LARGE1: variants seen among roughly 807,000 people sequenced by gnomAD.
LARGE1 encodes LARGE xylosyl- and glucuronyltransferase 1, also known as xylosyl- and glucuronyltransferase LARGE1.
A neutral mutation model predicts 87.6 loss-of-function variants in LARGE1; 43 were observed. The ratio of observed to expected loss-of-function variants is 0.49; its 90% confidence interval spans 0.38 to 0.63. The LOEUF (loss-of-function observed/expected upper bound fraction) is 0.63, where lower values mean the gene tolerates loss of function less well. Among genes scored for constraint, LARGE1 ranks in the 30% least tolerant of loss-of-function variants. The pLI, the probability that LARGE1 is intolerant of heterozygous loss-of-function variation, is 0.00. For synonymous variants in LARGE1, 434 were observed against 394.6 expected, an observed-to-expected ratio of 1.10 and a Z score of -1.18; for missense variants, 802 against 1,000.2, an observed-to-expected ratio of 0.80 and a Z score of 2.67.
intron 6 of LARGE1, among the ~76,000 whole-genome samples, chr22:33,436,431 T>C (rs1474537760): frequency 6.6e-6 from 1 of 152,206 alleles, no homozygotes; most frequent in Non-Finnish European, 1.5e-5. Context: ...CTGAGGACTA[T>C]CTGTTTCAGA....
chr22:33,165,550 T>A (rs1028686519), exon 12 of LARGE1: 2 of 152,216 alleles, frequency 1.3e-5, no homozygotes, highest in Admixed American at 1.3e-4. Flanking sequence ...GGACCTTTAC[T>A]AATATGCAGG....
chr22:33,091,084 G>A, the LARGE1 span, among the ~76,000 whole-genome samples: 4 of 152,134 alleles, frequency 2.6e-5, no homozygotes, highest in African/African-American at 7.2e-5. Context: ...ATTCGAAGAC[G>A]ATTGCCATAT....
At chr22:33,625,723 T>C (rs921674299) in intron 4 of LARGE1, among the ~76,000 whole-genome samples, 10 of 152,214 alleles carry the variant, frequency 6.6e-5, no homozygotes, top group African/African-American at 2.2e-4. Context: ...GGTCTGTGTT[T>C]GGCACATGTC....
chr22:33,460,193 G>A lies in LARGE1; in HGVS notation c.788-27928C>T, dbSNP rs546172749. The stretch of plus-strand genomic sequence containing the variant: ...CTATAAAGCCTTCCTCGGTTGTGTC[G>A]GCCAAATTTAGCTCTCTTGCTGAGC... On this transcript the variant is annotated intron_variant, in intron 6 of 14. Transcript: ENST00000397394. Among the ~76,000 whole-genome samples the A allele has an allele frequency of 5.3e-5, 8 of 152,242 alleles. 1 individual carries two copies. In the South Asian group the frequency reaches 1.5e-3, roughly 28 times the overall value.
intron 6 of LARGE1, among the ~76,000 whole-genome samples, chr22:33,540,771 G>C (rs2053612720): frequency 1.3e-5 from 2 of 152,026 alleles, no homozygotes; most frequent in Non-Finnish European, 2.9e-5. Flanking sequence ...GTGCTCCCCA[G>C]ATGATTATAA....
intron 6 of LARGE1, among the ~76,000 whole-genome samples, chr22:33,473,638 TTTCACCACG>T (rs1314705547): frequency 1.3e-5 from 2 of 152,054 alleles, no homozygotes; most frequent in South Asian, 2.1e-4. Flanking sequence ...AGAGGTGGGG[TTTCACCACG>T]TTGGCTAGGC....
intron 1 of LARGE1, among the ~76,000 whole-genome samples, chr22:33,914,994 G>A (rs899297299): frequency 4.8e-5 from 7 of 144,558 alleles, no homozygotes; most frequent in Non-Finnish European, 1.1e-4. Context: ...ATAGAGACAA[G>A]ACAAACATAC....
intron 9 of LARGE1, among the ~76,000 whole-genome samples, chr22:33,368,309 C>A (rs185732353): frequency 6.6e-6 from 1 of 151,808 alleles, no homozygotes; most frequent in Non-Finnish European, 1.5e-5. Flanking sequence ...GGTGGGAGGC[C>A]GATCACCTGA....
intron 2 of LARGE1, among the ~76,000 whole-genome samples, chr22:33,716,317 C>T (rs1357702984): frequency 6.6e-6 from 1 of 152,174 alleles, no homozygotes; most frequent in Non-Finnish European, 1.5e-5. Flanking sequence ...TCCAATTTAA[C>T]AGAGGGAATT....
the LARGE1 span, among the ~76,000 whole-genome samples, chr22:33,122,881 C>T: frequency 6.6e-6 from 1 of 152,144 alleles, no homozygotes; most frequent in East Asian, 1.9e-4. Flanking sequence ...GATACGGACA[C>T]AGGTTTGATT....
chr22:33,433,983 T>C (rs1337897983), intron 6 of LARGE1, among the ~76,000 whole-genome samples: 5 of 152,204 alleles, frequency 3.3e-5, no homozygotes, highest in African/African-American at 1.2e-4. Context: ...GGAAAAACAC[T>C]ACCACCCACT....
chr22:33,759,345 G>T (rs2084638033), intron 2 of LARGE1, among the ~76,000 whole-genome samples: 1 of 152,112 alleles, frequency 6.6e-6, no homozygotes, highest in Non-Finnish European at 1.5e-5. Context: ...ATCACTCATT[G>T]AGGCCCCAAT....
intron 6 of LARGE1, among the ~76,000 whole-genome samples, chr22:33,437,177 G>T (rs1464532377): frequency 4.6e-5 from 7 of 152,154 alleles, no homozygotes; most frequent in African/African-American, 7.2e-5. Context: ...TGGAAGCTCC[G>T]TTACTGCTTT....
chr22:33,271,755 G>A (rs1415731458), downstream of LARGE1, among the ~76,000 whole-genome samples: 1 of 152,218 alleles, frequency 6.6e-6, no homozygotes, highest in East Asian at 1.9e-4. Context: ...AATGCAGGCT[G>A]CTGGCTCTGC....
intron 2 of LARGE1, among the ~76,000 whole-genome samples, chr22:33,663,350 C>T (rs1397693677): frequency 8.5e-5 from 13 of 152,074 alleles, no homozygotes; most frequent in Non-Finnish European, 2.9e-5. Context: ...AGTCCTACAC[C>T]GGAGAGTTTT....
chr22:33,497,818 T>C lies in LARGE1; in HGVS notation c.788-65553A>G, dbSNP rs2070216935. On this transcript the variant is annotated intron_variant, in intron 6 of 14. Coordinates refer to ENST00000397394, the MANE Select transcript of LARGE1 (RefSeq NM_133642.5). The stretch of plus-strand genomic sequence containing the variant: ...TGGTTTAGAAGAGCCTTTGCGTACT[T>C]CATCTCAGTTCATCTACACTGTACA... Among the ~76,000 whole-genome samples, 3 of 151,996 alleles carry C rather than the reference T, an allele frequency of 2.0e-5. No individual in the cohort carries two copies. In the South Asian group the frequency reaches 6.2e-4, roughly 32 times the overall value.
intron 11 of LARGE1, among the ~76,000 whole-genome samples, chr22:33,192,222 G>T (rs531940835): frequency 5.1e-4 from 77 of 152,278 alleles, no homozygotes; most frequent in African/African-American, 1.7e-3. Flanking sequence ...ATTATTATTT[G>T]CCCTTTTAGA....
intron 11 of LARGE1, chr22:33,305,698 G>T: frequency 1.6e-6 from 1 of 626,296 alleles, no homozygotes; most frequent in Non-Finnish European, 2.0e-6. Context: ...TTTTCTCTCA[G>T]TAATTCTGTT....
intron 12 of LARGE1, among the ~76,000 whole-genome samples, chr22:33,290,588 A>C (rs1252471555): frequency 6.6e-6 from 1 of 152,192 alleles, no homozygotes; most frequent in Non-Finnish European, 1.5e-5. Context: ...TGGAGGAGTC[A>C]CCGGCAGTTG....
Sources: allele counts gnomAD v4.1 joint callset (sites outside exome capture counted in the v4.1 genomes callset), GRCh38; gene constraint gnomAD v4.1.1; transcripts MANE v1.5; gene names NCBI Gene and HGNC (gene_info 2026-07-23, HGNC 2026-07-21).